Variants in KCNQ5 observed in about 807,000 individuals in gnomAD.
The protein encoded by KCNQ5 is potassium voltage-gated channel subfamily Q member 5.
KCNQ5 carries 30 observed loss-of-function variants against 98.2 expected under a neutral mutation model. The ratio of observed to expected loss-of-function variants is 0.31; its 90% CI spans 0.23 to 0.41. KCNQ5 has a LOEUF of 0.41. Ranked by LOEUF, KCNQ5 falls within the 10% of genes least tolerant of loss-of-function variation. The probability of loss-of-function intolerance (pLI) is 1.00; values close to 1 mark genes in which losing one functional copy is unlikely to be tolerated. For missense variants in KCNQ5, 835 were observed against 1,182.5 expected, an observed-to-expected ratio of 0.71 and a Z score of 4.31; for synonymous variants, 458 against 449.4, an observed-to-expected ratio of 1.02 and a Z score of -0.24.
At chr6:72,967,007 T>C (rs1428705783) in intron 1 of KCNQ5, among the ~76,000 whole-genome samples, 1 of 152,204 alleles carries the variant, frequency 6.6e-6, no homozygotes, top group African/African-American at 2.4e-5. Context: ...GACAGGAATA[T>C]ACTCAAGATA....
chr6:73,122,380 C>T (rs1775783052), intron 8 of KCNQ5, among the ~76,000 whole-genome samples: 1 of 152,118 alleles, frequency 6.6e-6, no homozygotes, highest in Non-Finnish European at 1.5e-5. Flanking sequence ...GTCAAATTCC[C>T]CCAGTAAATC....
chr6:73,112,621 A>G (rs1178968692), intron 7 of KCNQ5, among the ~76,000 whole-genome samples: 1 of 152,194 alleles, frequency 6.6e-6, no homozygotes, highest in Non-Finnish European at 1.5e-5. Flanking sequence ...CTGGGATTAC[A>G]GGCATGAGCC....
intron 1 of KCNQ5, among the ~76,000 whole-genome samples, chr6:72,770,564 T>A (rs867267692): frequency 6.6e-6 from 1 of 152,158 alleles, no homozygotes; most frequent in Non-Finnish European, 1.5e-5. Context: ...CACACATTTA[T>A]AAATCAAAAA....
rs1395851600 is a variant in KCNQ5, at chr6:73,163,567, C to T, written c.1469-6179C>T. On this transcript the variant is annotated intron_variant, in intron 10 of 13. Coordinates refer to ENST00000370398, the MANE Select transcript of KCNQ5 (RefSeq NM_019842.4). ...TTCAAGGCCAGCCTGGCCAACATGG[C>T]GAAACCCCGTCTCTACTAAAAATAC... Among the ~76,000 whole-genome samples the T allele has an allele frequency of 6.6e-5, 10 of 152,088 alleles. 1 individual carries two copies. Among genetic ancestry groups the T allele is most frequent in the African/African-American group, 1.7e-4 (7 of 41,488 alleles).
chr6:72,941,518 T>C (rs1582056506), intron 1 of KCNQ5, among the ~76,000 whole-genome samples: 1 of 80,660 alleles, frequency 1.2e-5, no homozygotes, highest in African/African-American at 3.5e-5. Flanking sequence ...CTCCCTCCCT[T>C]CCTTCCTTCC....
At chr6:73,108,505 T>C (rs1368308500) in intron 6 of KCNQ5, among the ~76,000 whole-genome samples, 2 of 152,114 alleles carry the variant, frequency 1.3e-5, no homozygotes, top group Admixed American at 1.3e-4. Context: ...TTATTGCATA[T>C]AATAACATGT....
intron 5 of KCNQ5, among the ~76,000 whole-genome samples, chr6:73,102,143 G>A (rs1246230118): frequency 2.0e-5 from 3 of 152,140 alleles, no homozygotes; most frequent in African/African-American, 7.2e-5. Context: ...AACATGCAAC[G>A]AGGAAAGGAC....
rs574431201 is a variant in KCNQ5, at chr6:72,930,247, A to G, written c.399-73661A>G. Among the ~76,000 whole-genome samples the G allele has an allele frequency of 2.0e-4, 31 of 152,278 alleles. 1 individual carries two copies. The South Asian group carries it at 6.2e-3, about 31-fold the overall frequency. ...TCATTGTGAAGGATTTCATAAATAA[A>G]CCTAGAGAAAAAGATATCCACTAAC... On this transcript the variant is annotated intron_variant, in intron 1 of 13. Transcript: ENST00000370398.
intron 10 of KCNQ5, chr6:73,135,444 A>G (rs1289124096): frequency 2.0e-5 from 3 of 149,044 alleles, no homozygotes; most frequent in African/African-American, 5.0e-5. Flanking sequence ...GAAAAACAAA[A>G]TGTTAGGGGG....
chr6:72,805,795 A>G (rs1211202908), intron 1 of KCNQ5, among the ~76,000 whole-genome samples: 1 of 152,090 alleles, frequency 6.6e-6, no homozygotes, highest in Non-Finnish European at 1.5e-5. Flanking sequence ...TTCCCCACCT[A>G]TGGACATGGA....
chr6:72,635,680 T>G (rs1306646798), intron 1 of KCNQ5, among the ~76,000 whole-genome samples: 3 of 148,800 alleles, frequency 2.0e-5, no homozygotes, highest in East Asian at 1.9e-4. Context: ...GTTTTTTTTT[T>G]TTTTTTTTTT....
chr6:72,913,873 T>A (rs1469687659), intron 1 of KCNQ5, among the ~76,000 whole-genome samples: 2 of 152,178 alleles, frequency 1.3e-5, no homozygotes, highest in Non-Finnish European at 2.9e-5. Context: ...GAGTGGACAG[T>A]CCTGAGAAAT....
rs565818972 is a variant in KCNQ5, at chr6:73,125,246, G to A, written c.1247+734G>A. On this transcript the variant is annotated intron_variant, in intron 9 of 13. Transcript: ENST00000370398. ...TCCCATGACTTAGATGGAATGAGTC[G>A]TCAGATTACAGCAGAGAATTAAACC... Among the ~76,000 whole-genome samples, 46 of 151,422 alleles carry A rather than the reference G, an allele frequency of 3.0e-4. 1 individual carries two copies. Among genetic ancestry groups the A allele is most frequent in the Admixed American group, 5.3e-4 (8 of 15,166 alleles).
chr6:73,104,771 G>C (rs1774935101), intron 5 of KCNQ5, among the ~76,000 whole-genome samples: 2 of 152,022 alleles, frequency 1.3e-5, no homozygotes, highest in Admixed American at 1.3e-4. Flanking sequence ...TTCATGTGTG[G>C]CATGTTTCTC....
At chr6:72,842,238 C>T (rs983038092) in intron 1 of KCNQ5, among the ~76,000 whole-genome samples, 1 of 152,182 alleles carries the variant, frequency 6.6e-6, no homozygotes, top group Non-Finnish European at 1.5e-5. Context: ...ACATCTTTCT[C>T]TCTTAATAAA....
At chr6:72,931,029 T>C (rs1765672071) in intron 1 of KCNQ5, among the ~76,000 whole-genome samples, 1 of 152,130 alleles carries the variant, frequency 6.6e-6, no homozygotes, top group Non-Finnish European at 1.5e-5. Flanking sequence ...TTGACTATGG[T>C]TTACTTTTAT....
chr6:73,154,868 C>A lies in KCNQ5; in HGVS notation c.1469-14878C>A, dbSNP rs566322677. 7.2e-5 allele frequency among the ~76,000 whole-genome samples: 11 copies of A among 151,870 alleles called. No individual in the cohort carries two copies. In the East Asian group the frequency reaches 2.1e-3, roughly 29 times the overall value. On this transcript the variant is annotated intron_variant, in intron 10 of 13. Transcript: ENST00000370398. ...TTTCACAGTAGGATTTTGAAGTATACCTAGTCACGAATGATCACAAAAACA... is the reference window on the plus strand; with the variant it reads ...TTTCACAGTAGGATTTTGAAGTATAACTAGTCACGAATGATCACAAAAACA...
intron 1 of KCNQ5, among the ~76,000 whole-genome samples, chr6:72,845,035 C>G (rs1192388863): frequency 1.3e-5 from 2 of 152,174 alleles, no homozygotes; most frequent in Non-Finnish European, 2.9e-5. Flanking sequence ...ACTGGGAAAT[C>G]ATACCTTGGA....
In KCNQ5 at chr6:73,072,144, A is replaced by G. The variant is rs375528592; in HGVS notation, c.617-5178A>G. ...GGAAAGAGGTAAATTTATGTTAGTTATTAGGGAAAACTTTCTGAGACTATA... is the reference window on the plus strand; with the variant it reads ...GGAAAGAGGTAAATTTATGTTAGTTGTTAGGGAAAACTTTCTGAGACTATA... On this transcript the variant is annotated intron_variant, in intron 3 of 13. Transcript: ENST00000370398. 1.4e-3 allele frequency among the ~76,000 whole-genome samples: 213 copies of G among 152,264 alleles called. 1 individual carries two copies. The highest frequency in any genetic ancestry group is 2.4e-3 in the Non-Finnish European group (164 of 68,018).
Sources: gnomAD v4.1 joint callset for allele counts (sites outside exome capture counted in the v4.1 genomes callset) on GRCh38, gnomAD v4.1.1 for gene constraint, MANE v1.5 for transcripts, NCBI Gene and HGNC (gene_info 2026-07-23, HGNC 2026-07-21) for gene names.